PRR14L: variants seen among roughly 807,000 people sequenced by gnomAD.
The protein encoded by PRR14L is proline rich 14 like.
Under a neutral mutation model 155.0 loss-of-function variants are expected in PRR14L, and 80 were observed. The ratio of observed to expected loss-of-function variants is 0.52; its 90% confidence interval spans 0.43 to 0.62. The LOEUF is 0.62. PRR14L is among the 20% of genes least tolerant of loss of function. PRR14L has a pLI of 0.00. For synonymous variants in PRR14L, 883 were observed against 916.0 expected (o/e 0.96, Z 0.65); for missense variants, 2,469 against 2,548.0 (o/e 0.97, Z 0.67).
intron 2 of PRR14L, 116 bp downstream of exon 2, chr22:31,738,271 G>A (rs1254827132): frequency 6.8e-6 from 6 of 881,756 alleles, no homozygotes; most frequent in South Asian, 1.8e-5. Context: ...CTTCAAAATC[G>A]ACATTTCGGA....
chr22:31,743,430 A>G (rs1427349076), intron 1 of PRR14L, among the ~76,000 whole-genome samples: 1 of 152,200 alleles, frequency 6.6e-6, no homozygotes, highest in African/African-American at 2.4e-5. Flanking sequence ...GACTATACCA[A>G]AAACCACTGA....
chr22:31,691,109 G>A (rs933457222), intron 7 of PRR14L, among the ~76,000 whole-genome samples: 2 of 151,114 alleles, frequency 1.3e-5, no homozygotes, highest in Non-Finnish European at 2.9e-5. Flanking sequence ...GATTACAGGC[G>A]CCTACCACCA....
intron 3 of PRR14L, among the ~76,000 whole-genome samples, chr22:31,723,012 C>T (rs1301597125): frequency 6.6e-6 from 1 of 152,130 alleles, no homozygotes; most frequent in Non-Finnish European, 1.5e-5. Flanking sequence ...GGCCTGTCTC[C>T]ACAGAATCTT....
intron 3 of PRR14L, among the ~76,000 whole-genome samples, chr22:31,722,720 G>A (rs769538079): frequency 2.6e-5 from 4 of 151,920 alleles, no homozygotes; most frequent in South Asian, 2.1e-4. Flanking sequence ...TTTTAGTAGC[G>A]ATGGGGTTTC....
chr22:31,736,669 T>G (rs2074783459), intron 2 of PRR14L, among the ~76,000 whole-genome samples: 1 of 152,162 alleles, frequency 6.6e-6, no homozygotes. Flanking sequence ...TTTATTGGAA[T>G]ACAGCCACAT....
At chr22:31,694,467 C>T (rs1161774543) in intron 7 of PRR14L, among the ~76,000 whole-genome samples, 1 of 152,080 alleles carries the variant, frequency 6.6e-6, no homozygotes, top group Non-Finnish European at 1.5e-5. Flanking sequence ...ATTAAGAATA[C>T]AAAATTACGG....
chr22:31,745,725 T>C (rs1206961998), intron 1 of PRR14L, among the ~76,000 whole-genome samples: 8 of 151,782 alleles, frequency 5.3e-5, no homozygotes, highest in Admixed American at 3.9e-4. Context: ...CAGGAGCCTG[T>C]AATCTCAGCT....
chr22:31,731,565 C>CAAAAA (rs55727852), intron 2 of PRR14L, among the ~76,000 whole-genome samples: 1 of 49,260 alleles, frequency 2.0e-5, no homozygotes, highest in African/African-American at 6.6e-5. Flanking sequence ...GAGACTGTCT[C>CAAAAA]AAAAAAAAAA....
intron 7 of PRR14L, among the ~76,000 whole-genome samples, chr22:31,696,935 T>G (rs2074537588): frequency 1.3e-5 from 2 of 152,018 alleles, no homozygotes; most frequent in Admixed American, 6.6e-5. Flanking sequence ...GCCAACATGG[T>G]GAAACCCTGT....
At chr22:31,733,461 C>A (rs1395118802) in intron 2 of PRR14L, among the ~76,000 whole-genome samples, 3 of 151,752 alleles carry the variant, frequency 2.0e-5, no homozygotes, top group South Asian at 2.1e-4. Context: ...TGCATCACTG[C>A]GCCCAGCTGA....
At chr22:31,719,296 C>G (rs1454098888) in intron 3 of PRR14L, among the ~76,000 whole-genome samples, 2 of 151,692 alleles carry the variant, frequency 1.3e-5, no homozygotes, top group African/African-American at 2.4e-5. Flanking sequence ...GCCTTTAATC[C>G]CAGCTACTTG....
At chr22:31,728,420 C>G (rs7284178) in intron 2 of PRR14L, among the ~76,000 whole-genome samples, 1 of 152,042 alleles carries the variant, frequency 6.6e-6, no homozygotes, top group Non-Finnish European at 1.5e-5. Flanking sequence ...TGAGACCAGT[C>G]TGACCAACAT....
chr22:31,732,802 T>C (rs2074757352), intron 2 of PRR14L, among the ~76,000 whole-genome samples: 1 of 152,184 alleles, frequency 6.6e-6, no homozygotes, highest in African/African-American at 2.4e-5. Context: ...TCCATATCAG[T>C]ATATAGAGAT....
At chr22:31,721,326 C>T (rs544978184) in intron 3 of PRR14L, among the ~76,000 whole-genome samples, 2 of 152,188 alleles carry the variant, frequency 1.3e-5, no homozygotes, top group African/African-American at 2.4e-5. Context: ...GTTATTACAA[C>T]AAAAGTCCTT....
At chr22:31,708,057 G>A (rs1293432884) in intron 4 of PRR14L, among the ~76,000 whole-genome samples, 1 of 151,928 alleles carries the variant, frequency 6.6e-6, no homozygotes, top group Non-Finnish European at 1.5e-5. Context: ...GCTGGAGTGG[G>A]AGAATCGCTT....
chr22:31,737,736 G>A (rs188914548), intron 2 of PRR14L, among the ~76,000 whole-genome samples: 1 of 152,070 alleles, frequency 6.6e-6, no homozygotes, highest in East Asian at 1.9e-4. Flanking sequence ...ACATCGGCTG[G>A]TCATGGTGGC....
At chr22:31,738,183 C>CT (rs1397804635) in intron 2 of PRR14L, among the ~76,000 whole-genome samples, 4 of 152,154 alleles carry the variant, frequency 2.6e-5, no homozygotes, top group Non-Finnish European at 4.4e-5. Context: ...AGAACTGACA[C>CT]TTTTTTACTA....
At chr22:31,709,120 G>A (rs964190959) in intron 4 of PRR14L, among the ~76,000 whole-genome samples, 1 of 152,064 alleles carries the variant, frequency 6.6e-6, no homozygotes, top group Non-Finnish European at 1.5e-5. Context: ...ACTGTGCCCA[G>A]CTGACATGGG....
At chr22:31,688,344 C>A in intron 7 of PRR14L, 117 bp from the exon 8 acceptor site, 3 of 1,281,690 alleles carry the variant, frequency 2.3e-6, no homozygotes, top group Non-Finnish European at 3.0e-6. Flanking sequence ...CTCACTGCAG[C>A]CTTAAACTCT....
Sources: allele counts gnomAD v4.1 joint callset (sites outside exome capture counted in the v4.1 genomes callset), GRCh38; gene constraint gnomAD v4.1.1; transcripts MANE v1.5; gene names NCBI Gene and HGNC (gene_info 2026-07-23, HGNC 2026-07-21).